PLXNA4: variants seen among roughly 807,000 people sequenced by gnomAD.
The protein encoded by PLXNA4 is plexin A4.
In PLXNA4, 44 loss-of-function variants were observed where a neutral mutation model predicts 191.8. The ratio of observed to expected loss-of-function variants is 0.23; its 90% CI spans 0.18 to 0.29. The LOEUF (loss-of-function observed/expected upper bound fraction) is 0.29, where lower values mean the gene tolerates loss of function less well. Among genes scored for constraint, PLXNA4 ranks in the 10% least tolerant of loss-of-function variants. The pLI, the probability that PLXNA4 is intolerant of heterozygous loss-of-function variation, is 1.00. For missense variants in PLXNA4, 1,800 were observed against 2,488.8 expected (o/e 0.72, Z 5.89); for synonymous variants, 1,082 against 1,009.5 (o/e 1.07, Z -1.36).
At chr7:132,236,174 A>C (rs935473490) in intron 5 of PLXNA4, among the ~76,000 whole-genome samples, 1 of 152,196 alleles carries the variant, frequency 6.6e-6, no homozygotes, top group African/African-American at 2.4e-5. Flanking sequence ...CTTTGCTGCT[A>C]CAAACAGCCC....
At chr7:132,216,102 T>A (rs1797954918) in intron 9 of PLXNA4, among the ~76,000 whole-genome samples, 1 of 152,184 alleles carries the variant, frequency 6.6e-6, no homozygotes, top group Admixed American at 6.5e-5. Context: ...TGAGATCCAA[T>A]GCTCACTCTG....
chr7:132,262,182 C>T (rs553993695), intron 4 of PLXNA4, among the ~76,000 whole-genome samples: 4 of 152,114 alleles, frequency 2.6e-5, no homozygotes, highest in Admixed American at 6.5e-5. Flanking sequence ...TATAAAAATC[C>T]GTTTACTGTA....
intron 3 of PLXNA4, among the ~76,000 whole-genome samples, chr7:132,483,739 T>G (rs1012564956): frequency 2.4e-4 from 37 of 152,200 alleles, no homozygotes; most frequent in Admixed American, 2.3e-3. Context: ...AAATCTTGAA[T>G]TGGCAAAGCT....
At chr7:132,361,075 C>A (rs1402845241) in intron 3 of PLXNA4, among the ~76,000 whole-genome samples, 1 of 152,188 alleles carries the variant, frequency 6.6e-6, no homozygotes, top group Admixed American at 6.5e-5. Flanking sequence ...TCCATGCCAT[C>A]CACTTCCCCA....
At chr7:132,214,126 C>A (rs1261326835) in intron 9 of PLXNA4, among the ~76,000 whole-genome samples, 1 of 152,162 alleles carries the variant, frequency 6.6e-6, no homozygotes, top group Non-Finnish European at 1.5e-5. Context: ...TGGGCAGGAC[C>A]ACCTCAGGAT....
At chr7:132,620,382 A>G (rs1803238049) in intron 2 of PLXNA4, among the ~76,000 whole-genome samples, 1 of 152,220 alleles carries the variant, frequency 6.6e-6, no homozygotes, top group Non-Finnish European at 1.5e-5. Context: ...TGGTATTTAT[A>G]TTTGCAAAGT....
intron 3 of PLXNA4, among the ~76,000 whole-genome samples, chr7:132,350,007 G>T (rs1333357466): frequency 1.3e-5 from 2 of 152,086 alleles, no homozygotes; most frequent in African/African-American, 4.8e-5. Flanking sequence ...AATGTGTGCT[G>T]CAGCCCTCCC....
chr7:132,621,665 G>C (rs553550929), intron 2 of PLXNA4, among the ~76,000 whole-genome samples: 2 of 152,046 alleles, frequency 1.3e-5, no homozygotes, highest in African/African-American at 4.8e-5. Flanking sequence ...GAAATTGCTG[G>C]GTCAAAGGAC....
At chr7:132,586,824 G>A (rs1277798571) in intron 2 of PLXNA4, among the ~76,000 whole-genome samples, 1 of 152,190 alleles carries the variant, frequency 6.6e-6, no homozygotes, top group Non-Finnish European at 1.5e-5. Flanking sequence ...TACTCAGGAG[G>A]CTGAGGTGGG....
chr7:132,486,918 C>G (rs1211733767), intron 3 of PLXNA4, among the ~76,000 whole-genome samples: 3 of 152,158 alleles, frequency 2.0e-5, no homozygotes, highest in Non-Finnish European at 4.4e-5. Context: ...GTCCTGATCC[C>G]AAACTCATGG....
At chr7:132,164,399 G>GC in intron 23 of PLXNA4, 111 bp from the exon 24 acceptor site, 1 of 1,448,730 alleles carries the variant, frequency 6.9e-7, no homozygotes, top group Admixed American at 2.3e-5. Flanking sequence ...CCCTGCACCT[G>GC]CCCCCACCTG....
intron 3 of PLXNA4, among the ~76,000 whole-genome samples, chr7:132,344,384 A>C (rs957176780): frequency 1.3e-5 from 2 of 152,196 alleles, no homozygotes; most frequent in South Asian, 4.2e-4. Context: ...AGACAAAAAA[A>C]CAGAAAAACT....
chr7:132,453,769 T>C (rs1228265353), intron 3 of PLXNA4, among the ~76,000 whole-genome samples: 1 of 152,214 alleles, frequency 6.6e-6, no homozygotes, highest in Non-Finnish European at 1.5e-5. Flanking sequence ...CTCTATCTCC[T>C]GACTTTGTGA....
intron 3 of PLXNA4, among the ~76,000 whole-genome samples, chr7:132,449,921 A>AACTT (rs1418993797): frequency 5.3e-5 from 8 of 152,200 alleles, no homozygotes; most frequent in Admixed American, 4.6e-4. Flanking sequence ...TTTACAGACA[A>AACTT]ACTTACAGAG....
chr7:132,548,274 A>G (rs1332099188), intron 1 of PLXNA4, among the ~76,000 whole-genome samples: 1 of 152,210 alleles, frequency 6.6e-6, no homozygotes, highest in East Asian at 1.9e-4. Flanking sequence ...ATCAATGAGT[A>G]GAGTTTAATT....
intron 10 of PLXNA4, among the ~76,000 whole-genome samples, chr7:132,206,471 T>TGC (rs1554390575): frequency 8.6e-4 from 128 of 148,938 alleles, no homozygotes; most frequent in East Asian, 2.8e-3. Context: ...TGTGTGTGTG[T>TGC]GCGCATGTGT....
At chr7:132,588,044 T>C (rs1040383544) in intron 2 of PLXNA4, among the ~76,000 whole-genome samples, 5 of 151,962 alleles carry the variant, frequency 3.3e-5, no homozygotes, top group Non-Finnish European at 4.4e-5. Flanking sequence ...ACCCTTTCCA[T>C]TTCTCTCTTC....
At position 132,391,036 on chromosome 7, in the gene PLXNA4, C is replaced by A. The variant is rs118104333; in HGVS notation, c.1372-92814G>T. ...ACAGTCTTAGGGAGTTTCCCTTTTGCCCCATCCCTTTCGAGTAAAGCAAAG... is the reference window on the plus strand; with the variant it reads ...ACAGTCTTAGGGAGTTTCCCTTTTGACCCATCCCTTTCGAGTAAAGCAAAG... On this transcript the variant is annotated intron_variant, in intron 3 of 31. Transcript: ENST00000321063. 7.6e-3 allele frequency among the ~76,000 whole-genome samples: 1,155 copies of A among 152,310 alleles called. 31 individuals carry two copies. Among genetic ancestry groups the A allele is most frequent in the Non-Finnish European group, 6.4e-3 (437 of 68,028 alleles).
rs762298996 is a variant in PLXNA4 at position 132,298,216 on chromosome 7, C to T, written c.1378G>A (p.Val460Met). ...TKSGKLKKIR[V>M]DGPRGNALQY... is the part of the protein sequence containing the mutation. ...AGGGCGTTGCCCCTGGGTCCATCCACCCGGATCTGTGGAGAAGAAGAGGAG... is the reference window on the plus strand; with the variant it reads ...AGGGCGTTGCCCCTGGGTCCATCCATCCGGATCTGTGGAGAAGAAGAGGAG... The change falls in exon 4 of 32, where the codon GTG becomes ATG. Residue 460 changes from valine to methionine, a missense_variant. Val to Met is a conservative substitution (Grantham distance 21). Coordinates refer to ENST00000321063, the MANE Select transcript of PLXNA4 (RefSeq NM_020911.2). The T allele has an allele frequency of 1.9e-6, 3 of 1,612,470 alleles. No homozygotes were observed. Among genetic ancestry groups the T allele is most frequent in the Non-Finnish European group, 2.5e-6 (3 of 1,179,210 alleles).
Sources: gnomAD v4.1 joint callset for allele counts (sites outside exome capture counted in the v4.1 genomes callset) on GRCh38, gnomAD v4.1.1 for gene constraint, MANE v1.5 for transcripts, NCBI Gene and HGNC (gene_info 2026-07-23, HGNC 2026-07-21) for gene names.